Variants in VEZT observed in about 807,000 individuals in gnomAD.
VEZT encodes the protein vezatin.
Under a neutral mutation model 79.9 loss-of-function variants are expected in VEZT, and 39 were observed. The observed-to-expected ratio is 0.49, with a 90% CI of 0.38 to 0.64. VEZT has a LOEUF of 0.64. Among genes scored for constraint, VEZT ranks in the 30% least tolerant of loss-of-function variants. VEZT has a pLI of 0.00. For synonymous variants in VEZT, 325 were observed against 327.6 expected (o/e 0.99, Z 0.09); for missense variants, 837 against 893.1 (o/e 0.94, Z 0.80).
In VEZT at chr12:95,217,821, G is replaced by T; in HGVS notation, c.-30G>T. The T allele has an allele frequency of 2.6e-6, 4 of 1,549,374 alleles. No homozygotes were observed. The highest frequency in any genetic ancestry group is 3.5e-6 in the Non-Finnish European group (4 of 1,152,688). On this transcript the variant is annotated 5_prime_UTR_variant, in exon 1 of 12. Transcript: ENST00000436874. ...TGTACTCCCGCCTTCATTTCCCATC[G>T]TGCTGAGGCGGGTGGCATGGCGGAG... is the stretch of plus-strand genomic sequence containing the variant.
intron 1 of VEZT, among the ~76,000 whole-genome samples, chr12:95,237,766 T>C (rs947580637): frequency 1.3e-5 from 2 of 152,230 alleles, no homozygotes; most frequent in Non-Finnish European, 2.9e-5. Flanking sequence ...TACCTTAAAA[T>C]TTCTTGACTT....
At chr12:95,278,896 C>G (rs2068378432) in intron 7 of VEZT, among the ~76,000 whole-genome samples, 1 of 152,158 alleles carries the variant, frequency 6.6e-6, no homozygotes, top group African/African-American at 2.4e-5. Flanking sequence ...TGGAGATACC[C>G]CGTCTCTACT....
In VEZT at chr12:95,259,092, C is replaced by T. The variant is rs536972831; in HGVS notation, c.258+1853C>T. On this transcript the variant is annotated intron_variant, in intron 3 of 11. Coordinates refer to ENST00000436874, the MANE Select transcript of VEZT (RefSeq NM_017599.4). ...AACCTACCTTTCCAGCTTTGTCCACCAGTATTTGTATCAATGAACCCAGTC... is the reference window on the plus strand; with the variant it reads ...AACCTACCTTTCCAGCTTTGTCCACTAGTATTTGTATCAATGAACCCAGTC... 3.3e-5 allele frequency among the ~76,000 whole-genome samples: 5 copies of T among 152,242 alleles called. No homozygotes were observed. In the South Asian group the frequency reaches 1.0e-3, roughly 32 times the overall value.
At chr12:95,254,795 G>C (rs1365876649) in intron 2 of VEZT, among the ~76,000 whole-genome samples, 1 of 152,120 alleles carries the variant, frequency 6.6e-6, no homozygotes, top group Non-Finnish European at 1.5e-5. Flanking sequence ...GTTTTTCTAT[G>C]AGTTCTTAAT....
At chr12:95,243,389 T>G (rs1220733705) in intron 1 of VEZT, among the ~76,000 whole-genome samples, 2 of 149,488 alleles carry the variant, frequency 1.3e-5, no homozygotes, top group Non-Finnish European at 3.0e-5. Context: ...AAGCTCCATT[T>G]ACCCATCACT....
At chr12:95,278,652 T>C (rs890868054) in intron 7 of VEZT, among the ~76,000 whole-genome samples, 13 of 152,248 alleles carry the variant, frequency 8.5e-5, no homozygotes, top group African/African-American at 3.1e-4. Flanking sequence ...ATTGTTCCCG[T>C]ATCTTCCCTC....
intron 9 of VEZT, among the ~76,000 whole-genome samples, chr12:95,293,397 T>C (rs1479956301): frequency 4.7e-5 from 7 of 149,568 alleles, no homozygotes; most frequent in Non-Finnish European, 7.5e-5. Context: ...GTTTAAACCA[T>C]ACTTCTTTTT....
intron 1 of VEZT, among the ~76,000 whole-genome samples, chr12:95,234,659 TG>T (rs1489252467): frequency 1.3e-5 from 2 of 152,122 alleles, no homozygotes; most frequent in Non-Finnish European, 2.9e-5. Flanking sequence ...TTGTTTTTTT[TG>T]TTTTTTATTT....
chr12:95,254,834 T>C (rs1250468724), intron 2 of VEZT, among the ~76,000 whole-genome samples: 1 of 152,240 alleles, frequency 6.6e-6, no homozygotes, highest in Non-Finnish European at 1.5e-5. Flanking sequence ...AATTGCTCTC[T>C]CTTTTTTAAC....
At chr12:95,247,686 A>G (rs75258865) in intron 1 of VEZT, among the ~76,000 whole-genome samples, 11,871 of 152,210 alleles carry the variant, frequency 0.078, 510 homozygotes, top group Middle Eastern at 0.11. Flanking sequence ...TTTGAGAACT[A>G]CTGGTTAGGA....
chr12:95,267,151 T>C (rs2065691273), intron 5 of VEZT, among the ~76,000 whole-genome samples: 1 of 152,244 alleles, frequency 6.6e-6, no homozygotes, highest in South Asian at 2.1e-4. Context: ...AATTAAATAT[T>C]CACCAGTCTA....
At chr12:95,261,635 T>A (rs529917481) in intron 3 of VEZT, among the ~76,000 whole-genome samples, 86 of 152,288 alleles carry the variant, frequency 5.6e-4, no homozygotes, top group African/African-American at 1.9e-3. Context: ...GGTCTCGAAA[T>A]CCTGACCTCA....
intron 1 of VEZT, among the ~76,000 whole-genome samples, chr12:95,235,621 C>A: frequency 7.1e-6 from 1 of 141,828 alleles, no homozygotes; most frequent in African/African-American, 2.7e-5. Flanking sequence ...GCCGGCCGGG[C>A]AGAGGCACCC....
chr12:95,274,917 G>A, intron 7 of VEZT, 28 bp downstream of exon 7: 1 of 1,600,348 alleles, frequency 6.2e-7, no homozygotes, highest in Non-Finnish European at 8.5e-7. Context: ...GGGAAGGGCT[G>A]AAGAAAAAAT....
At chr12:95,258,128 C>T (rs2063758710) in intron 3 of VEZT, 2 of 407,194 alleles carry the variant, frequency 4.9e-6, no homozygotes, top group Non-Finnish European at 1.0e-5. Context: ...ACTAAAATTA[C>T]TTTTTTAGCA....
chr12:95,234,970 G>A (rs1409073309), intron 1 of VEZT, among the ~76,000 whole-genome samples: 8 of 151,956 alleles, frequency 5.3e-5, no homozygotes, highest in Non-Finnish European at 1.2e-4. Context: ...GCACAGGGTT[G>A]GGGGTAAGGT....
chr12:95,230,419 C>CT (rs2059103309), intron 1 of VEZT, among the ~76,000 whole-genome samples: 2 of 120,646 alleles, frequency 1.7e-5, no homozygotes, highest in South Asian at 2.7e-4. Flanking sequence ...TTTTCTTTTT[C>CT]TTTCTTTTTT....
At chr12:95,262,271 G>C (rs957510310) in intron 3 of VEZT, 1 of 152,124 alleles carries the variant, frequency 6.6e-6, no homozygotes. Context: ...TAAGAATAGA[G>C]ACTTGTATAT....
At chr12:95,296,671 G>A (rs1002747791) in intron 11 of VEZT, 8 of 154,176 alleles carry the variant, frequency 5.2e-5, no homozygotes, top group South Asian at 4.0e-4. Context: ...CAGGCGCAGC[G>A]GCACATGCTT....
Sources: gnomAD v4.1 joint callset for allele counts (sites outside exome capture counted in the v4.1 genomes callset) on GRCh38, gnomAD v4.1.1 for gene constraint, MANE v1.5 for transcripts, NCBI Gene and HGNC (gene_info 2026-07-23, HGNC 2026-07-21) for gene names.